The following OXR1 variants were observed in gnomAD, a reference collection of about 807,000 sequenced individuals.
OXR1 encodes the protein oxidation resistance 1.
OXR1 carries 41 observed loss-of-function variants against 104.6 expected under a neutral mutation model. The ratio of observed to expected loss-of-function variants is 0.39; its 90% CI spans 0.31 to 0.51. The LOEUF (loss-of-function observed/expected upper bound fraction) is 0.51. OXR1 is among the 20% of genes least tolerant of loss of function. The pLI, the probability that OXR1 is intolerant of heterozygous loss-of-function variation, is 0.77. For missense variants in OXR1, 955 were observed against 1,031.9 expected (o/e 0.93, Z 1.02); for synonymous variants, 348 against 348.4 (o/e 1.00, Z 0.01).
At chr8:106,568,285 G>A (rs766234738) in intron 3 of OXR1, among the ~76,000 whole-genome samples, 11 of 152,040 alleles carry the variant, frequency 7.2e-5, no homozygotes, top group Admixed American at 3.3e-4. Context: ...ATGGGATTAC[G>A]ATAAATAAAC....
chr8:106,315,498 T>C (rs1335215337), intron 1 of OXR1, among the ~76,000 whole-genome samples: 1 of 152,188 alleles, frequency 6.6e-6, no homozygotes, highest in Non-Finnish European at 1.5e-5. Flanking sequence ...AAAGCCTGGC[T>C]AAAAATTGCC....
At chr8:106,434,065 A>C (rs1819471574) in intron 2 of OXR1, among the ~76,000 whole-genome samples, 1 of 152,210 alleles carries the variant, frequency 6.6e-6, no homozygotes, top group Non-Finnish European at 1.5e-5. Flanking sequence ...TTTTTGAAAG[A>C]ACAAGTTTGA....
intron 3 of OXR1, among the ~76,000 whole-genome samples, chr8:106,555,218 C>A (rs1816173577): frequency 6.6e-6 from 1 of 152,076 alleles, no homozygotes; most frequent in Admixed American, 6.6e-5. Context: ...TTTTTAAAAG[C>A]TCTTCAGGTA....
At chr8:106,454,460 CAAAA>C (rs954067249) in intron 2 of OXR1, among the ~76,000 whole-genome samples, 1 of 63,662 alleles carries the variant, frequency 1.6e-5, no homozygotes, top group Admixed American at 1.8e-4. Flanking sequence ...GACTCTGTCT[CAAAA>C]AAAAAAAAAA....
intron 2 of OXR1, among the ~76,000 whole-genome samples, chr8:106,470,361 C>T (rs1821420545): frequency 6.6e-6 from 1 of 151,664 alleles, no homozygotes; most frequent in South Asian, 2.1e-4. Context: ...GAATGTAGAG[C>T]TAAGTTTTGG....
chr8:106,340,827 C>T (rs533574884), intron 1 of OXR1, among the ~76,000 whole-genome samples: 3 of 152,046 alleles, frequency 2.0e-5, no homozygotes, highest in Admixed American at 6.5e-5. Flanking sequence ...TTTATACTAT[C>T]TACTATAATT....
chr8:106,450,870 A>C (rs1820276579), intron 2 of OXR1, among the ~76,000 whole-genome samples: 1 of 152,134 alleles, frequency 6.6e-6, no homozygotes, highest in Non-Finnish European at 1.5e-5. Flanking sequence ...AAGAACAAAC[A>C]GCTTATCTAG....
rs1233516905 is a variant in OXR1 at position 106,447,951 on chromosome 8, G to A, written c.24-70992G>A. Reference sequence around the variant, plus strand: ...CGAGACATCTAGTACGGGGCTCACAGGTAACAGAACTCTGATCAGATCCGC... The same window carrying A: ...CGAGACATCTAGTACGGGGCTCACAAGTAACAGAACTCTGATCAGATCCGC... On this transcript the variant is annotated intron_variant, in intron 2 of 16. Transcript: ENST00000517566. The A allele has an allele frequency of 1.2e-5, 18 of 1,534,908 alleles. No homozygotes were observed. The South Asian group carries it at 2.0e-4, about 17-fold the overall frequency.
intron 3 of OXR1, among the ~76,000 whole-genome samples, chr8:106,614,819 G>A (rs1425690450): frequency 6.6e-6 from 1 of 152,102 alleles, no homozygotes; most frequent in East Asian, 1.9e-4. Context: ...ATATGGCAGT[G>A]TGTGTGTGTA....
intron 2 of OXR1, among the ~76,000 whole-genome samples, chr8:106,436,521 G>GCAAAA (rs1202913908): frequency 1.4e-4 from 12 of 84,576 alleles, no homozygotes; most frequent in East Asian, 6.5e-4. Flanking sequence ...TTGTGCCTAT[G>GCAAAA]CAAAAAAAAA....
chr8:106,727,826 A>G (rs576444294), intron 11 of OXR1, among the ~76,000 whole-genome samples: 1 of 152,280 alleles, frequency 6.6e-6, no homozygotes, highest in East Asian at 1.9e-4. Flanking sequence ...GCCCATACAT[A>G]TATGTTATTT....
chr8:106,624,669 C>G (rs1821999588), intron 3 of OXR1, among the ~76,000 whole-genome samples: 1 of 152,200 alleles, frequency 6.6e-6, no homozygotes, highest in Non-Finnish European at 1.5e-5. Context: ...AATTGTAAAT[C>G]TACCATTATT....
intron 2 of OXR1, among the ~76,000 whole-genome samples, chr8:106,501,625 G>C (rs957292390): frequency 2.0e-5 from 3 of 152,292 alleles, no homozygotes; most frequent in Admixed American, 1.3e-4. Context: ...CACTCTTTTA[G>C]GAGTCTCCCA....
At chr8:106,719,295 C>T (rs1832609368) in intron 11 of OXR1, among the ~76,000 whole-genome samples, 1 of 152,106 alleles carries the variant, frequency 6.6e-6, no homozygotes, top group African/African-American at 2.4e-5. Context: ...GGCAGAATGC[C>T]TATTGACATC....
intron 2 of OXR1, among the ~76,000 whole-genome samples, chr8:106,429,137 C>T (rs1819256918): frequency 6.6e-6 from 1 of 152,168 alleles, no homozygotes; most frequent in South Asian, 2.1e-4. Context: ...CTGCCTCTTC[C>T]CCTCTCTATG....
chr8:106,697,853 T>A (rs1423471173), intron 7 of OXR1: 20 of 1,612,252 alleles, frequency 1.2e-5, no homozygotes, highest in Non-Finnish European at 1.7e-5. Flanking sequence ...TTGAGCCAGT[T>A]CTGGAAGTTC....
At chr8:106,533,061 T>G (rs985530891) in intron 3 of OXR1, among the ~76,000 whole-genome samples, 3 of 152,196 alleles carry the variant, frequency 2.0e-5, no homozygotes, top group Non-Finnish European at 4.4e-5. Flanking sequence ...CTACATTATA[T>G]TTAGTTGTCA....
At chr8:106,443,185 T>C (rs1436562298) in intron 2 of OXR1, among the ~76,000 whole-genome samples, 1 of 152,234 alleles carries the variant, frequency 6.6e-6, no homozygotes, top group Admixed American at 6.5e-5. Context: ...AGGAACACGT[T>C]GTTCAATTTC....
intron 1 of OXR1, among the ~76,000 whole-genome samples, chr8:106,319,803 G>C (rs1454663677): frequency 2.6e-5 from 4 of 152,208 alleles, no homozygotes; most frequent in Admixed American, 1.3e-4. Flanking sequence ...GCACTTCTGT[G>C]AATTTGCTGG....
Sources: gnomAD v4.1 joint callset for allele counts (sites outside exome capture counted in the v4.1 genomes callset) on GRCh38, gnomAD v4.1.1 for gene constraint, MANE v1.5 for transcripts, NCBI Gene and HGNC (gene_info 2026-07-23, HGNC 2026-07-21) for gene names.